Variants in ZNF248 observed in about 807,000 individuals in gnomAD.
ZNF248 encodes KRAB protein domain.
ZNF248 carries 20 observed loss-of-function variants against 44.3 expected under a neutral mutation model. That is an observed-to-expected ratio of 0.45 (90% confidence interval 0.32 to 0.66). ZNF248 has a LOEUF of 0.66. Ranked by LOEUF, ZNF248 falls within the 30% of genes least tolerant of loss-of-function variation. The pLI, the probability that ZNF248 is intolerant of heterozygous loss-of-function variation, is 0.04. For missense variants in ZNF248, 654 were observed against 677.0 expected, an observed-to-expected ratio of 0.97 and a Z score of 0.38; for synonymous variants, 224 against 229.0, an observed-to-expected ratio of 0.98 and a Z score of 0.20.
intron 6 of ZNF248, among the ~76,000 whole-genome samples, chr10:37,814,224 C>T (rs1223250066): frequency 1.3e-5 from 2 of 152,102 alleles, no homozygotes; most frequent in Non-Finnish European, 2.9e-5. Context: ...AGTCATAACA[C>T]TATAAATTAA....
At chr10:37,761,286 AAGGC>A in the ZNF248 span, among the ~76,000 whole-genome samples, 1 of 152,218 alleles carries the variant, frequency 6.6e-6, no homozygotes, top group Non-Finnish European at 1.5e-5. Flanking sequence ...TTAGGTCATG[AAGGC>A]AGGTTGGTAA....
the ZNF248 span, among the ~76,000 whole-genome samples, chr10:37,762,541 CA>C: frequency 1.3e-5 from 2 of 152,086 alleles, no homozygotes; most frequent in East Asian, 3.9e-4. Context: ...ATCTGTTTTT[CA>C]ATGAACCATG....
At chr10:37,837,316 T>C (rs1321026818) in intron 5 of ZNF248, among the ~76,000 whole-genome samples, 1 of 152,104 alleles carries the variant, frequency 6.6e-6, no homozygotes, top group Non-Finnish European at 1.5e-5. Context: ...GGTTTCACCA[T>C]GTTGGCCAGA....
At chr10:37,838,521 A>T (rs2057688277) in intron 3 of ZNF248, among the ~76,000 whole-genome samples, 1 of 152,254 alleles carries the variant, frequency 6.6e-6, no homozygotes, top group South Asian at 2.1e-4. Flanking sequence ...AAACTTTGTT[A>T]TTAAAATAAT....
chr10:37,819,162 G>C, intron 6 of ZNF248: 1 of 788,168 alleles, frequency 1.3e-6, no homozygotes, highest in South Asian at 1.4e-5. Flanking sequence ...TGTATGATGG[G>C]AGGTTTTATT....
chr10:37,786,180 G>A (rs2132979313), intron 6 of ZNF248, among the ~76,000 whole-genome samples: 1 of 152,304 alleles, frequency 6.6e-6, no homozygotes, highest in South Asian at 2.1e-4. Flanking sequence ...TCAATGCAGA[G>A]CACTCAATAT....
At position 37,832,876 on chromosome 10, in the gene ZNF248, C is replaced by T. The variant is rs780046372; in HGVS notation, c.479G>A (p.Cys160Tyr). ...AAACTCATCAGGCTTCTTTCTGGAA[C>T]AGTTCTTTTTACTAATAATTAAGCC... is the stretch of plus-strand genomic sequence containing the variant. ...ISGLIISKKN[C>Y]SRKKPDEFNV... The change falls in exon 6 of 6, where the codon TGT becomes TAT. Residue 160 changes from cysteine (C) to tyrosine (Y), a missense_variant. Coordinates refer to ENST00000395867, the MANE Select transcript of ZNF248 (RefSeq NM_021045.3). 4 of 1,613,580 alleles carry T rather than the reference C, an allele frequency of 2.5e-6. No individual in the cohort carries two copies. Among genetic ancestry groups the T allele is most frequent in the East Asian group, 4.5e-5 (2 of 44,858 alleles).
chr10:37,807,906 G>C (rs2133334690), intron 6 of ZNF248, among the ~76,000 whole-genome samples: 1 of 152,208 alleles, frequency 6.6e-6, no homozygotes, highest in South Asian at 2.1e-4. Flanking sequence ...GCTCAGGCTA[G>C]AACTTCCATA....
At chr10:37,758,603 T>C in the ZNF248 span, among the ~76,000 whole-genome samples, 1 of 152,220 alleles carries the variant, frequency 6.6e-6, no homozygotes, top group Non-Finnish European at 1.5e-5. Context: ...TCCAAGCCAA[T>C]GCCACAGTAC....
chr10:37,819,009 C>A (rs2053025822), intron 6 of ZNF248: 1 of 900,514 alleles, frequency 1.1e-6, no homozygotes, highest in Non-Finnish European at 1.9e-6. Flanking sequence ...TAAGTGCCAG[C>A]ACCTTGTGAT....
chr10:37,760,226 T>TTTTTG, the ZNF248 span, among the ~76,000 whole-genome samples: 2 of 151,858 alleles, frequency 1.3e-5, no homozygotes, highest in Non-Finnish European at 2.9e-5. Context: ...AATGCTGGGT[T>TTTTTG]TTTTGTTTTG....
At chr10:37,826,643 A>C (rs538169963), downstream of ZNF248, among the ~76,000 whole-genome samples, 132 of 152,330 alleles carry the variant, frequency 8.7e-4, no homozygotes, top group African/African-American at 2.9e-3. Flanking sequence ...TGAGAAAACT[A>C]AAAACCATAC....
At chr10:37,802,192 GA>G (rs1236537816) in intron 6 of ZNF248, among the ~76,000 whole-genome samples, 2 of 152,124 alleles carry the variant, frequency 1.3e-5, no homozygotes, top group African/African-American at 4.8e-5. Flanking sequence ...AACAAAGTGG[GA>G]ATAAACAACT....
the ZNF248 span, among the ~76,000 whole-genome samples, chr10:37,768,983 A>C: frequency 6.6e-6 from 1 of 152,228 alleles, no homozygotes; most frequent in Non-Finnish European, 1.5e-5. Context: ...ATCAGAGAAT[A>C]CTACAAACAC....
At chr10:37,771,414 C>T in the ZNF248 span, among the ~76,000 whole-genome samples, 59 of 152,230 alleles carry the variant, frequency 3.9e-4, no homozygotes, top group African/African-American at 1.3e-3. Flanking sequence ...AAATGTGGCA[C>T]ATATACACCA....
At chr10:37,790,218 C>G (rs1461223968) in intron 6 of ZNF248, among the ~76,000 whole-genome samples, 1 of 150,448 alleles carries the variant, frequency 6.6e-6, no homozygotes, top group African/African-American at 2.4e-5. Flanking sequence ...TTGCAGTGAG[C>G]CGAGATCGCG....
chr10:37,815,989 T>TG (rs2052384365), intron 6 of ZNF248, among the ~76,000 whole-genome samples: 1 of 85,432 alleles, frequency 1.2e-5, no homozygotes, highest in Non-Finnish European at 2.4e-5. Flanking sequence ...GTTCCGATAA[T>TG]GGAAAAAAAA....
Position 37,831,490 on chromosome 10 carries a change from G to T in ZNF248, c.*125C>A. ...CTAATGAAAAGTTTTAATTTTTCTT[G>T]AAAGCTTTTACATATTCAAACAAGA... On this transcript the variant is annotated 3_prime_UTR_variant, in exon 6 of 6. Transcript: ENST00000395867. 1 of 1,460,532 alleles carries T rather than the reference G, an allele frequency of 6.8e-7. No homozygotes were observed. Among genetic ancestry groups the T allele is most frequent in the Non-Finnish European group, 9.0e-7 (1 of 1,108,084 alleles). The allele number at this position is 1,460,532 out of a possible 1,614,324, so 90.5% of individuals were successfully genotyped here.
downstream of ZNF248, among the ~76,000 whole-genome samples, chr10:37,772,972 T>C (rs1243109936): frequency 1.3e-5 from 2 of 152,128 alleles, no homozygotes; most frequent in Admixed American, 6.6e-5. Flanking sequence ...CAATATGAAC[T>C]GAAGACGTGA....
Sources: gnomAD v4.1 joint callset for allele counts (sites outside exome capture counted in the v4.1 genomes callset) on GRCh38, gnomAD v4.1.1 for gene constraint, MANE v1.5 for transcripts, NCBI Gene and HGNC (gene_info 2026-07-23, HGNC 2026-07-21) for gene names.